HS3ST5: variants seen among roughly 807,000 people sequenced by gnomAD.
HS3ST5 encodes the protein heparan sulfate glucosamine 3-O-sulfotransferase 5.
A neutral mutation model predicts 25.4 loss-of-function variants in HS3ST5; 10 were observed. That is an observed-to-expected ratio of 0.39 (90% confidence interval 0.24 to 0.67). HS3ST5 has a LOEUF of 0.67. HS3ST5 is among the 30% of genes least tolerant of loss of function. The probability of loss-of-function intolerance (pLI) is 0.44; values close to 1 mark genes in which losing one functional copy is unlikely to be tolerated. For missense variants in HS3ST5, 324 were observed against 420.7 expected (o/e 0.77, Z 2.01); for synonymous variants, 170 against 162.4 (o/e 1.05, Z -0.36).
chr6:114,097,710 G>T (rs1775509176), intron 3 of HS3ST5, among the ~76,000 whole-genome samples: 1 of 3,186 alleles, frequency 3.1e-4, no homozygotes, highest in Non-Finnish European at 1.3e-3. Context: ...AATGAGAAAA[G>T]AAGGTAATTT....
At position 114,057,115 on chromosome 6, in the gene HS3ST5, T is replaced by C. The variant is rs1259473471; in HGVS notation, c.*142A>G. ...TTCAGTAGAAAAAGAACTGATCTTATATTTGGTCACACACTGCGTATGTAC... is the reference window on the plus strand; with the variant it reads ...TTCAGTAGAAAAAGAACTGATCTTACATTTGGTCACACACTGCGTATGTAC... On this transcript the variant is annotated 3_prime_UTR_variant, in exon 5 of 5. Transcript: ENST00000312719. The C allele has an allele frequency of 6.7e-6, 4 of 596,618 alleles. No homozygotes were observed. Among genetic ancestry groups the C allele is most frequent in the Non-Finnish European group, 1.1e-5 (4 of 351,294 alleles). The allele number at this position is 596,618 out of a possible 1,614,324, so 37.0% of individuals were successfully genotyped here.
chr6:114,253,866 C>G (rs1389419914), intron 1 of HS3ST5, among the ~76,000 whole-genome samples: 1 of 152,152 alleles, frequency 6.6e-6, no homozygotes, highest in South Asian at 2.1e-4. Flanking sequence ...CTCATTGCCT[C>G]AGGTAAGGAA....
intron 1 of HS3ST5, among the ~76,000 whole-genome samples, chr6:114,270,746 A>C (rs1477306762): frequency 6.6e-6 from 1 of 152,124 alleles, no homozygotes; most frequent in Non-Finnish European, 1.5e-5. Flanking sequence ...TAAGTTGATA[A>C]GCCTATGATT....
At chr6:114,262,695 T>A (rs948539155) in intron 1 of HS3ST5, among the ~76,000 whole-genome samples, 1 of 152,086 alleles carries the variant, frequency 6.6e-6, no homozygotes, top group Non-Finnish European at 1.5e-5. Flanking sequence ...CCTTTAAAAA[T>A]GTATTAATAA....
chr6:114,277,034 C>T (rs1773886974), intron 1 of HS3ST5, among the ~76,000 whole-genome samples: 1 of 151,810 alleles, frequency 6.6e-6, no homozygotes, highest in East Asian at 1.9e-4. Context: ...TCAGCTTTAC[C>T]CTTTCCCCAG....
chr6:114,135,716 T>A (rs1777563525), intron 3 of HS3ST5, among the ~76,000 whole-genome samples: 1 of 152,244 alleles, frequency 6.6e-6, no homozygotes, highest in Non-Finnish European at 1.5e-5. Context: ...GTTTATTTAT[T>A]GCTGTTTCTT....
intron 3 of HS3ST5, among the ~76,000 whole-genome samples, chr6:114,090,056 G>A (rs772197756): frequency 5.9e-4 from 90 of 152,292 alleles, no homozygotes; most frequent in Non-Finnish European, 4.3e-4. Context: ...TGAACCCTCT[G>A]CCAAAGATAA....
At chr6:114,310,384 T>C (rs1037739550) in intron 1 of HS3ST5, among the ~76,000 whole-genome samples, 2 of 152,178 alleles carry the variant, frequency 1.3e-5, no homozygotes, top group Non-Finnish European at 2.9e-5. Flanking sequence ...ATAATTATGC[T>C]TATCTGTAAC....
At chr6:114,165,042 T>C (rs1779142596) in intron 3 of HS3ST5, among the ~76,000 whole-genome samples, 1 of 152,156 alleles carries the variant, frequency 6.6e-6, no homozygotes, top group Non-Finnish European at 1.5e-5. Flanking sequence ...CCCATTGAGG[T>C]TCCTGGGGTG....
chr6:114,283,421 A>G (rs1446688450), intron 1 of HS3ST5, among the ~76,000 whole-genome samples: 1 of 152,010 alleles, frequency 6.6e-6, no homozygotes, highest in Non-Finnish European at 1.5e-5. Context: ...CAAGACTACA[A>G]AAATCACATA....
In HS3ST5 at chr6:114,314,418, C is replaced by A. The variant is rs1391477831; in HGVS notation, c.-339+27777G>T. 2.6e-5 allele frequency among the ~76,000 whole-genome samples: 4 copies of A among 152,182 alleles called. No homozygotes were observed. The East Asian group carries it at 7.7e-4, about 29-fold the overall frequency. On this transcript the variant is annotated intron_variant, in intron 1 of 4. Transcript: ENST00000312719. Reference sequence around the variant, plus strand: ...AGAATTTCAGTTGCAGCCAAGATAGCCTTGCTGCAGTTCAATATGGAGCAA... The same window carrying A: ...AGAATTTCAGTTGCAGCCAAGATAGACTTGCTGCAGTTCAATATGGAGCAA...
At chr6:114,299,817 T>C (rs1046543708) in intron 1 of HS3ST5, among the ~76,000 whole-genome samples, 1 of 152,202 alleles carries the variant, frequency 6.6e-6, no homozygotes, top group African/African-American at 2.4e-5. Flanking sequence ...AAATATACTA[T>C]ACCTCAGTGA....
At chr6:114,103,341 A>T (rs1308816005) in intron 3 of HS3ST5, among the ~76,000 whole-genome samples, 1 of 151,974 alleles carries the variant, frequency 6.6e-6, no homozygotes, top group Non-Finnish European at 1.5e-5. Context: ...TTAAAAGCTT[A>T]AAAAAAATGA....
intron 1 of HS3ST5, among the ~76,000 whole-genome samples, chr6:114,243,727 T>A (rs546954051): frequency 5.3e-5 from 8 of 152,240 alleles, no homozygotes; most frequent in African/African-American, 1.7e-4. Context: ...TTTGACCCAA[T>A]AAGAAGGTGG....
chr6:114,256,421 C>A (rs996231322), intron 1 of HS3ST5, among the ~76,000 whole-genome samples: 1 of 151,894 alleles, frequency 6.6e-6, no homozygotes, highest in Non-Finnish European at 1.5e-5. Context: ...AAACTGAATG[C>A]TTTTAACAGC....
chr6:114,311,048 GAAAC>G (rs781461260), intron 1 of HS3ST5, among the ~76,000 whole-genome samples: 1 of 152,070 alleles, frequency 6.6e-6, no homozygotes, highest in Non-Finnish European at 1.5e-5. Flanking sequence ...TTTATTCATT[GAAAC>G]AAACAGTCTA....
At chr6:114,221,370 T>C (rs1782028650) in intron 2 of HS3ST5, among the ~76,000 whole-genome samples, 1 of 151,976 alleles carries the variant, frequency 6.6e-6, no homozygotes. Flanking sequence ...TAAAGTTCAG[T>C]CCTCATTTTT....
intron 3 of HS3ST5, chr6:114,116,172 A>C (rs1326909069): frequency 1.3e-5 from 2 of 152,126 alleles, no homozygotes; most frequent in Non-Finnish European, 2.9e-5. Flanking sequence ...CACACGAATG[A>C]GACTGCTGGT....
At chr6:114,243,048 A>T (rs1351227275) in intron 1 of HS3ST5, among the ~76,000 whole-genome samples, 11 of 152,182 alleles carry the variant, frequency 7.2e-5, no homozygotes, top group African/African-American at 2.7e-4. Context: ...TAACTGGCTT[A>T]TCCAAGGAGG....
Sources: gnomAD v4.1 joint callset for allele counts (sites outside exome capture counted in the v4.1 genomes callset) on GRCh38, gnomAD v4.1.1 for gene constraint, MANE v1.5 for transcripts, NCBI Gene and HGNC (gene_info 2026-07-23, HGNC 2026-07-21) for gene names.